MYH4: variants seen among roughly 807,000 people sequenced by gnomAD.
MYH4 encodes the protein myosin heavy chain 4, also known as myosin-4.
Under a neutral mutation model 229.9 loss-of-function variants are expected in MYH4, and 200 were observed. The ratio of observed to expected loss-of-function variants is 0.87; its 90% CI spans 0.78 to 0.98. The LOEUF is 0.98. MYH4 is among the 50% of genes least tolerant of loss of function. The pLI is 0.00. For synonymous variants in MYH4, 761 were observed against 834.6 expected (o/e 0.91, Z 1.52); for missense variants, 2,148 against 2,332.6 (o/e 0.92, Z 1.63).
Position 10,450,475 on chromosome 17 carries a change from T to C in MYH4, c.4159A>G (p.Thr1387Ala), listed in dbSNP as rs1485101717. Residue 1387 changes from threonine to alanine, a missense_variant, in exon 30 of 40, where the codon ACA becomes GCA. Thr to Ala is a moderately conservative substitution (Grantham distance 58). Coordinates refer to ENST00000255381, the MANE Select transcript of MYH4 (RefSeq NM_017533.2). ...TACTTGGCCTCCTCCAGCTCCTCTG[T>C]GCGCTGGATGGCGTCCGTCTCGTAC... is the stretch of plus-strand genomic sequence containing the variant. ...TKYETDAIQR[T>A]EELEEAKKKL... 4 of 1,613,884 alleles carry C rather than the reference T, an allele frequency of 2.5e-6. No homozygotes were observed. Among genetic ancestry groups the C allele is most frequent in the Non-Finnish European group, 1.7e-6 (2 of 1,179,910 alleles).
intron 2 of MYH4, among the ~76,000 whole-genome samples, chr17:10,469,076 G>A (rs1291573651): frequency 7.0e-6 from 1 of 143,042 alleles, no homozygotes; most frequent in Non-Finnish European, 1.5e-5. Flanking sequence ...TCTTTCTGTA[G>A]TTCTAACAAC....
intron 28 of MYH4, 117 bp downstream of exon 28, chr17:10,451,209 G>A (rs2072568585): frequency 2.3e-6 from 3 of 1,290,052 alleles, no homozygotes; most frequent in South Asian, 1.5e-5. Flanking sequence ...GGAGGAATAA[G>A]TAAGACATGA....
intron 7 of MYH4, 85 bp from the exon 8 acceptor site, chr17:10,463,728 T>C (rs1165797601): frequency 2.9e-6 from 3 of 1,026,308 alleles, no homozygotes; most frequent in Non-Finnish European, 4.2e-6. Flanking sequence ...CCATTGCCCC[T>C]GCACAGTATT....
chr17:10,462,588 T>C (rs919827210), intron 11 of MYH4, among the ~76,000 whole-genome samples: 3 of 152,124 alleles, frequency 2.0e-5, no homozygotes, highest in Non-Finnish European at 2.9e-5. Context: ...AGCATAAATA[T>C]CAACCAAAAA....
At position 10,460,912 on chromosome 17, in the gene MYH4, G is replaced by A. The variant is rs1257293034; in HGVS notation, c.1147+4C>T. On this transcript the variant is annotated splice_donor_region_variant and intron_variant, in intron 12 of 39. Coordinates refer to ENST00000255381, the MANE Select transcript of MYH4 (RefSeq NM_017533.2). ...AAGTGGAAGATACCAACAGGGGGTG[G>A]TACCTTCCGTGCCATCTGGCTCTGC... 1.2e-6 allele frequency: 2 copies of A among 1,613,704 alleles called. No homozygotes were observed. Among genetic ancestry groups the A allele is most frequent in the African/African-American group, 2.7e-5 (2 of 74,876 alleles).
At chr17:10,461,969 C>T (rs2072708164) in intron 11 of MYH4, among the ~76,000 whole-genome samples, 1 of 152,144 alleles carries the variant, frequency 6.6e-6, no homozygotes, top group South Asian at 2.1e-4. Context: ...ATTTTTTTAA[C>T]CTCGCAGACC....
chr17:10,451,224 T>A, intron 28 of MYH4, 102 bp downstream of exon 28: 1 of 1,379,850 alleles, frequency 7.2e-7, no homozygotes, highest in Non-Finnish European at 9.9e-7. Flanking sequence ...ACATGATAAA[T>A]GAATGTACAG....
Position 10,459,975 on chromosome 17 carries a change from T to C in MYH4, c.1393A>G (p.Ile465Val), listed in dbSNP as rs993252370. ...ACATCAAAGATCTCAAAGCCAGCAATGTCCAAGACCCCGATGAAGTACTGC... is the reference window on the plus strand; with the variant it reads ...ACATCAAAGATCTCAAAGCCAGCAACGTCCAAGACCCCGATGAAGTACTGC... ...PRQYFIGVLD[I>V]AGFEIFDFNS... is the part of the protein sequence containing the mutation. Residue 465 changes from isoleucine to valine, a missense_variant, in exon 14 of 40, where the codon ATT becomes GTT. Ile to Val is a conservative substitution (Grantham distance 29). Transcript: ENST00000255381. 6 of 1,613,908 alleles carry C rather than the reference T, an allele frequency of 3.7e-6. No homozygotes were observed. In the African/African-American group the frequency reaches 4.0e-5, roughly 11 times the overall value.
At chr17:10,462,994 A>G (rs1219119803) in intron 10 of MYH4, 26 bp from the exon 11 acceptor site, 1 of 1,605,820 alleles carries the variant, frequency 6.2e-7, no homozygotes. Flanking sequence ...AGAACAGTAT[A>G]TAGACAGCAT....
intron 34 of MYH4, among the ~76,000 whole-genome samples, chr17:10,447,604 C>G (rs1048340868): frequency 1.3e-5 from 2 of 152,218 alleles, no homozygotes; most frequent in East Asian, 3.8e-4. Flanking sequence ...CTACCCCTCA[C>G]CACAGTGCTT....
intron 16 of MYH4, 65 bp downstream of exon 16, chr17:10,457,355 T>C (rs1298019506): frequency 4.0e-6 from 6 of 1,498,286 alleles, no homozygotes. Flanking sequence ...ACTACATTTG[T>C]CTCTGTTGAA....
intron 12 of MYH4, 74 bp from the exon 13 acceptor site, chr17:10,460,395 G>A: frequency 1.7e-6 from 2 of 1,210,250 alleles, no homozygotes; most frequent in Admixed American, 2.3e-5. Flanking sequence ...TGATGACAAA[G>A]AAAAAAGGTT....
At position 10,448,266 on chromosome 17, in the gene MYH4, A is replaced by T. The variant is rs572598509; in HGVS notation, c.4656+130T>A. 3 of 1,321,766 alleles carry T rather than the reference A, an allele frequency of 2.3e-6. No homozygotes were observed. The African/African-American group carries it at 4.5e-5, about 20-fold the overall frequency. The allele number at this position is 1,321,766 out of a possible 1,614,324, so 81.9% of individuals were successfully genotyped here. ...GTAGCCTATTAGCTCTGCATTCTCA[A>T]GGTACAATTCAGTATTTTTCACTGA... is the stretch of plus-strand genomic sequence containing the variant. On this transcript the variant is annotated intron_variant, in intron 33 of 39. Coordinates refer to ENST00000255381, the MANE Select transcript of MYH4 (RefSeq NM_017533.2).
Position 10,454,802 on chromosome 17 carries a change from A to C in MYH4, c.2444T>G (p.Ile815Ser), listed in dbSNP as rs368973679. The change falls in exon 22 of 40, where the codon ATC (isoleucine) becomes AGC (serine). Residue 815 changes from isoleucine to serine, a missense_variant. Physicochemically the swap from Ile to Ser is moderately radical, Grantham distance 142. Coordinates refer to ENST00000255381, the MANE Select transcript of MYH4 (RefSeq NM_017533.2). Reference protein sequence around the residue: ...FRKMMERRESIFCIQYNIRAF... With the variant: ...FRKMMERRESSFCIQYNIRAF... ...ACGGATGTTGTACTGAATGCAGAAG[A>C]TGGACTCTCTGTAGGAAAAGAAAAA... 1 of 1,613,646 alleles carries C rather than the reference A, an allele frequency of 6.2e-7. No homozygotes were observed. The highest frequency in any genetic ancestry group is 8.5e-7 in the Non-Finnish European group (1 of 1,179,792).
At chr17:10,451,158 G>A (rs1181242830) in intron 28 of MYH4, among the ~76,000 whole-genome samples, 168 bp downstream of exon 28, 2 of 152,052 alleles carry the variant, frequency 1.3e-5, no homozygotes, top group East Asian at 1.9e-4. Flanking sequence ...CCCAATTGTC[G>A]CTTAGAATCA....
At chr17:10,456,120 A>G (rs548763747) in intron 17 of MYH4, among the ~76,000 whole-genome samples, 1 of 152,262 alleles carries the variant, frequency 6.6e-6, no homozygotes, top group African/African-American at 2.4e-5. Context: ...ACCACCAGTC[A>G]GAGAAACTTT....
At chr17:10,459,876 C>A in intron 14 of MYH4, 76 bp downstream of exon 14, 1 of 1,608,870 alleles carries the variant, frequency 6.2e-7, no homozygotes, top group Non-Finnish European at 8.5e-7. Context: ...TTGTAAGGTA[C>A]ATTTTGTAAA....
chr17:10,460,688 T>C (rs1038104139), intron 12 of MYH4, among the ~76,000 whole-genome samples: 1 of 152,228 alleles, frequency 6.6e-6, no homozygotes, highest in African/African-American at 2.4e-5. Flanking sequence ...TAAAATATGT[T>C]TTAGTCAAAT....
Position 10,452,891 on chromosome 17 carries a change from G to C in MYH4, c.3153C>G (p.Asp1051Glu). ...CCAGTTTTCTCTTGGCTCTTTCTAA[G>C]TCCATGCAAAGTTTCTTTTCTTGTT... is the stretch of plus-strand genomic sequence containing the variant. ...SLEQEKKLCMDLERAKRKLEG... is the reference protein window; with the variant it reads ...SLEQEKKLCMELERAKRKLEG... The change falls in exon 25 of 40, where the codon GAC becomes GAG. Residue 1051 changes from aspartate (D) to glutamate (E), a missense_variant. Transcript: ENST00000255381. 3.1e-6 allele frequency: 5 copies of C among 1,604,350 alleles called. No homozygotes were observed. The highest frequency in any genetic ancestry group is 3.4e-6 in the Non-Finnish European group (4 of 1,178,110).
Sources: gnomAD v4.1 joint callset for allele counts (sites outside exome capture counted in the v4.1 genomes callset) on GRCh38, gnomAD v4.1.1 for gene constraint, MANE v1.5 for transcripts, NCBI Gene and HGNC (gene_info 2026-07-23, HGNC 2026-07-21) for gene names.